The following DCAF8L2 variants were observed in gnomAD, a reference collection of about 807,000 sequenced individuals.
The protein encoded by DCAF8L2 is DDB1- and CUL4-associated factor 8-like protein 2.
For missense variants in DCAF8L2, 430 were observed against 490.7 expected (o/e 0.88, Z 1.17); for synonymous variants, 200 against 190.9 (o/e 1.05, Z -0.39).
At chrX:27,676,490 A>T (rs1484063221) in intron 2 of DCAF8L2, among the ~76,000 whole-genome samples, 1 of 111,258 alleles carries the variant, frequency 9.0e-6, no homozygotes, top group Non-Finnish European at 1.9e-5. Context: ...ATGTTACCTT[A>T]GGAAATTTCA....
rs749099876 is a variant in DCAF8L2 at position 27,743,998 on chromosome X, G to A, written c.-58-2840G>A. Among the ~76,000 whole-genome samples the A allele has an allele frequency of 4.5e-5, 5 of 111,109 alleles. No homozygotes were observed. In the East Asian group the frequency reaches 1.4e-3, roughly 31 times the overall value. Reference sequence around the variant, plus strand: ...TATGCCCACCTCAGCCTCCCAAAGTGCTGGGATTATAGACGTGAGCCACCA... The same window carrying A: ...TATGCCCACCTCAGCCTCCCAAAGTACTGGGATTATAGACGTGAGCCACCA... On this transcript the variant is annotated intron_variant, in intron 4 of 4. Transcript: ENST00000451261.
At chrX:27,609,039 C>T (rs752269688) in intron 1 of DCAF8L2, among the ~76,000 whole-genome samples, 1 of 111,179 alleles carries the variant, frequency 9.0e-6, no homozygotes, top group Non-Finnish European at 1.9e-5. Context: ...GTTGTTTATC[C>T]GAAGAACAAG....
chrX:27,597,645 A>C (rs1408928228), intron 1 of DCAF8L2, among the ~76,000 whole-genome samples: 1 of 112,193 alleles, frequency 8.9e-6, no homozygotes, highest in Admixed American at 9.5e-5. Flanking sequence ...ACTCTCAATG[A>C]GAATGAATCG....
At chrX:27,700,168 T>C (rs1306994540) in intron 3 of DCAF8L2, among the ~76,000 whole-genome samples, 12 of 111,491 alleles carry the variant, frequency 1.1e-4, no homozygotes, top group Non-Finnish European at 2.1e-4. Context: ...AGTCTAAACC[T>C]TGGATCAACC....
chrX:27,652,981 A>G (rs1335106097), intron 2 of DCAF8L2, among the ~76,000 whole-genome samples: 1 of 112,270 alleles, frequency 8.9e-6, no homozygotes, highest in African/African-American at 3.2e-5. Context: ...GAGTAAGACC[A>G]TTTATATTCA....
chrX:27,501,058 A>G, the DCAF8L2 span, among the ~76,000 whole-genome samples: 1 of 111,339 alleles, frequency 9.0e-6, no homozygotes, highest in Non-Finnish European at 1.9e-5. Flanking sequence ...GAGGACAATC[A>G]TTGAGTTTTG....
At chrX:27,633,262 G>T (rs1016020330) in intron 2 of DCAF8L2, 2 of 111,957 alleles carry the variant, frequency 1.8e-5, no homozygotes, top group African/African-American at 6.5e-5. Flanking sequence ...TTGAGATAAT[G>T]ATATTGGAGA....
At chrX:27,514,287 G>GTGTGCATATGTGCACATATGTACATATA in the DCAF8L2 span, among the ~76,000 whole-genome samples, 1 of 35,218 alleles carries the variant, frequency 2.8e-5, no homozygotes, top group African/African-American at 6.1e-5. Context: ...ATGTACATAT[G>GTGTGCATATGTGCACATATGTACATATA]TGTGTGCATA....
At chrX:27,517,423 A>T in the DCAF8L2 span, among the ~76,000 whole-genome samples, 1 of 110,312 alleles carries the variant, frequency 9.1e-6, no homozygotes, top group African/African-American at 3.3e-5. Context: ...CACCATTATC[A>T]TTTAAAATGT....
At chrX:27,519,053 T>C in the DCAF8L2 span, 6 of 1,030,860 alleles carry the variant, frequency 5.8e-6, no homozygotes, top group South Asian at 1.1e-4. Flanking sequence ...CCTGATACTA[T>C]TGAAGTACAA....
chrX:27,630,094 C>G (rs1272450735), intron 1 of DCAF8L2, among the ~76,000 whole-genome samples: 4 of 110,998 alleles, frequency 3.6e-5, no homozygotes, highest in African/African-American at 1.3e-4. Flanking sequence ...TTCTTAATAT[C>G]CTTTTTGGAC....
rs762804373 is a variant in DCAF8L2, at chrX:27,608,761, AT to A, written c.-342+18324del. Among the ~76,000 whole-genome samples the A allele has an allele frequency of 1.6e-4, 17 of 108,921 alleles. No homozygotes were observed. In the South Asian group the frequency reaches 6.0e-3, roughly 38 times the overall value. The allele number at this position is 108,921 out of a possible 115,157, so 94.6% of individuals were successfully genotyped here. Reference sequence around the variant, plus strand: ...GAAGAAGGTTCCTTCTCTGGCTAAGATTTATAAGTCCCTCTATTCCAGCCTT... The same window carrying A: ...GAAGAAGGTTCCTTCTCTGGCTAAGATTATAAGTCCCTCTATTCCAGCCTT... On this transcript the variant is annotated intron_variant, in intron 1 of 4. Transcript: ENST00000451261.
At chrX:27,735,221 A>G (rs1040420274) in intron 4 of DCAF8L2, among the ~76,000 whole-genome samples, 2 of 112,017 alleles carry the variant, frequency 1.8e-5, no homozygotes, top group African/African-American at 3.2e-5. Flanking sequence ...CAGGGCAACA[A>G]TTAGGCTTGC....
chrX:27,554,226 T>G, the DCAF8L2 span, among the ~76,000 whole-genome samples: 2 of 112,106 alleles, frequency 1.8e-5, no homozygotes, highest in African/African-American at 6.5e-5. Context: ...AGGTGATCAA[T>G]TACCTATATA....
At chrX:27,518,842 C>T in the DCAF8L2 span, 4 of 542,436 alleles carry the variant, frequency 7.4e-6, no homozygotes, top group Non-Finnish European at 1.3e-5. Context: ...TATTTATGAG[C>T]ATGATGACAA....
chrX:27,623,258 A>C (rs184036249), intron 1 of DCAF8L2, among the ~76,000 whole-genome samples: 313 of 111,341 alleles, frequency 2.8e-3, no homozygotes, highest in African/African-American at 9.4e-3. Context: ...GGGAAAAAAA[A>C]CTGAAAAATC....
At chrX:27,522,148 C>T in the DCAF8L2 span, among the ~76,000 whole-genome samples, 10 of 111,898 alleles carry the variant, frequency 8.9e-5, no homozygotes, top group Non-Finnish European at 1.9e-4. Context: ...CTGCCTCAAC[C>T]TCCCGAGTAG....
the DCAF8L2 span, among the ~76,000 whole-genome samples, chrX:27,496,847 A>T: frequency 5.3e-5 from 6 of 112,381 alleles, no homozygotes; most frequent in East Asian, 1.7e-3. Flanking sequence ...TTTCGTTCTC[A>T]CTGGAAAGGC....
the DCAF8L2 span, among the ~76,000 whole-genome samples, chrX:27,574,223 A>G: frequency 9.0e-6 from 1 of 111,223 alleles, no homozygotes; most frequent in Non-Finnish European, 1.9e-5. Context: ...AAATCTACTC[A>G]TGGTCATGTT....
Sources: allele counts gnomAD v4.1 joint callset (sites outside exome capture counted in the v4.1 genomes callset), GRCh38; gene constraint gnomAD v4.1.1; transcripts MANE v1.5; gene names NCBI Gene and HGNC (gene_info 2026-07-23, HGNC 2026-07-21).